CRKL: variants seen among roughly 807,000 people sequenced by gnomAD.
CRKL encodes the protein crk-like protein.
Under a neutral mutation model 23.0 loss-of-function variants are expected in CRKL, and 3 were observed. That is an observed-to-expected ratio of 0.13 (90% confidence interval 0.06 to 0.34). The LOEUF (loss-of-function observed/expected upper bound fraction) is 0.34. Ranked by LOEUF, CRKL falls within the 10% of genes least tolerant of loss-of-function variation. The pLI is 1.00. For synonymous variants in CRKL, 188 were observed against 160.7 expected (o/e 1.17, Z -1.28); for missense variants, 256 against 394.5 (o/e 0.65, Z 2.97).
intron 2 of CRKL, among the ~76,000 whole-genome samples, chr22:20,941,584 A>ATT (rs1921881721): frequency 6.5e-5 from 1 of 15,404 alleles, no homozygotes. Context: ...GTGTGTATAT[A>ATT]TATATTTTTT....
rs541961453 is a variant in CRKL at position 20,924,612 on chromosome 22, T to G, written c.311+6367T>G. On this transcript the variant is annotated intron_variant, in intron 1 of 2. Transcript: ENST00000354336. ...GCTCACGCCTGTAATCCCAGCACTT[T>G]GGGAGGCCAAGGTGGGTGGATTGCC... 3.6e-3 allele frequency among the ~76,000 whole-genome samples: 548 copies of G among 152,244 alleles called. 3 individuals carry two copies. The highest frequency in any genetic ancestry group is 6.8e-3 in the Middle Eastern group (2 of 294).
chr22:20,952,598 C>T lies in CRKL; in HGVS notation c.*2753C>T, dbSNP rs894055289. On this transcript the variant is annotated 3_prime_UTR_variant, in exon 3 of 3. Transcript: ENST00000354336. ...CTTCGTGCCTGGGTTCCCCACTGGT[C>T]TGGGAAGACTGTTGTGCTCCATAGA... 3.7e-4 allele frequency: 85 copies of T among 232,670 alleles called. No homozygotes were observed. Among genetic ancestry groups the T allele is most frequent in the African/African-American group, 1.8e-3 (81 of 45,302 alleles). The allele number at this position is 232,670 out of a possible 1,614,324, so 14.4% of individuals were successfully genotyped here.
chr22:20,938,367 C>G (rs953009089), intron 2 of CRKL, among the ~76,000 whole-genome samples: 2 of 151,924 alleles, frequency 1.3e-5, no homozygotes, highest in African/African-American at 4.8e-5. Context: ...AAGAGTTGAT[C>G]CTGAGATTTG....
At chr22:20,940,002 C>T (rs1921811061) in intron 2 of CRKL, among the ~76,000 whole-genome samples, 1 of 151,944 alleles carries the variant, frequency 6.6e-6, no homozygotes, top group Admixed American at 6.6e-5. Context: ...GTTGGCCAGG[C>T]TGGTCTCAAA....
At chr22:20,944,027 C>T (rs2106538) in intron 2 of CRKL, among the ~76,000 whole-genome samples, 115,339 of 151,748 alleles carry the variant, frequency 0.76, 44,323 homozygotes, top group South Asian at 0.91. Context: ...TCAGGTTCCT[C>T]GCAATTCTAT....
intron 1 of CRKL, among the ~76,000 whole-genome samples, chr22:20,925,186 CAAAA>C (rs11451684): frequency 4.0e-5 from 4 of 100,954 alleles, no homozygotes; most frequent in Non-Finnish European, 7.5e-5. Context: ...GACTCCGTCT[CAAAA>C]AAAAAAAAAA....
At chr22:20,944,094 G>C (rs1921969512) in intron 2 of CRKL, among the ~76,000 whole-genome samples, 1 of 146,302 alleles carries the variant, frequency 6.8e-6, no homozygotes, top group Non-Finnish European at 1.5e-5. Flanking sequence ...TTAGAATTTT[G>C]ATAGGGATTG....
chr22:20,952,086 A>T lies in CRKL; in HGVS notation c.*2241A>T, dbSNP rs1922300353. On this transcript the variant is annotated 3_prime_UTR_variant, in exon 3 of 3. Transcript: ENST00000354336. ...CCAGTGACGTGGTTCATCCCGGCCC[A>T]TGTTGAGCCATGAGTGGAGTTTCCA... The T allele has an allele frequency of 4.4e-6, 1 of 227,378 alleles. No homozygotes were observed. The highest frequency in any genetic ancestry group is 1.8e-4 in the South Asian group (1 of 5,488). The allele number at this position is 227,378 out of a possible 1,614,324, so 14.1% of individuals were successfully genotyped here.
At chr22:20,949,506 G>A (rs537672008) in intron 2 of CRKL, among the ~76,000 whole-genome samples, 1 of 152,348 alleles carries the variant, frequency 6.6e-6, no homozygotes, top group Non-Finnish European at 1.5e-5. Flanking sequence ...AGAGGTGGAG[G>A]TGGAAGGATC....
intron 1 of CRKL, among the ~76,000 whole-genome samples, chr22:20,921,935 C>G (rs142325475): frequency 1.3e-5 from 2 of 150,426 alleles, no homozygotes; most frequent in African/African-American, 4.9e-5. Flanking sequence ...GTCTCGATCT[C>G]CTAACCTAGT....
intron 1 of CRKL, among the ~76,000 whole-genome samples, chr22:20,931,514 C>T (rs1821940470): frequency 6.6e-6 from 1 of 152,234 alleles, no homozygotes; most frequent in Admixed American, 6.5e-5. Flanking sequence ...GAATGCCTCA[C>T]ATGCATTATG....
In CRKL at chr22:20,950,502, C is replaced by T. The variant is rs1177171370; in HGVS notation, c.*657C>T. 1 of 229,002 alleles carries T rather than the reference C, an allele frequency of 4.4e-6. No homozygotes were observed. The highest frequency in any genetic ancestry group is 8.7e-6 in the Non-Finnish European group (1 of 115,576). 14.2% of individuals were successfully genotyped at this position (229,002 alleles called of 1,614,324 possible). A position where few individuals can be genotyped will look rare whatever the true frequency, so the allele number is the denominator to read the frequency against. ...AATCTCGCCTTCCTGCAGTCTCCGC[C>T]TCCTGAGTTCAAGCGATTCTCCTGC... On this transcript the variant is annotated 3_prime_UTR_variant, in exon 3 of 3. Coordinates refer to ENST00000354336, the MANE Select transcript of CRKL (RefSeq NM_005207.4).
At chr22:20,945,408 G>C (rs553630146) in intron 2 of CRKL, among the ~76,000 whole-genome samples, 17 of 152,034 alleles carry the variant, frequency 1.1e-4, no homozygotes, top group African/African-American at 3.9e-4. Context: ...ATATATGATC[G>C]TGTCTTGACT....
At position 20,951,939 on chromosome 22, in the gene CRKL, C is replaced by T. The variant is rs116709245; in HGVS notation, c.*2094C>T. ...GCTCTGCACGGTCTGCGGCAGTTGC[C>T]GCTTCTGGTTAGGTGTGTCAGGTTG... is the stretch of plus-strand genomic sequence containing the variant. On this transcript the variant is annotated 3_prime_UTR_variant, in exon 3 of 3. Coordinates refer to ENST00000354336, the MANE Select transcript of CRKL (RefSeq NM_005207.4). The T allele has an allele frequency of 1.9e-3, 421 of 222,922 alleles. 2 individuals are homozygous for T. Among genetic ancestry groups the T allele is most frequent in the African/African-American group, 8.7e-3 (388 of 44,822 alleles). The allele number at this position is 222,922 out of a possible 1,614,324, so 13.8% of individuals were successfully genotyped here.
At chr22:20,924,525 A>T (rs1463587244) in intron 1 of CRKL, among the ~76,000 whole-genome samples, 1 of 149,390 alleles carries the variant, frequency 6.7e-6, no homozygotes, top group Non-Finnish European at 1.5e-5. Context: ...TCTCCTGACC[A>T]GTAGTTAAAA....
chr22:20,943,538 C>G (rs1384982757), intron 2 of CRKL, among the ~76,000 whole-genome samples: 1 of 152,154 alleles, frequency 6.6e-6, no homozygotes, highest in Non-Finnish European at 1.5e-5. Context: ...CCATGCCTGA[C>G]CTTAGTTATT....
chr22:20,920,074 G>T (rs1920974765), intron 1 of CRKL, among the ~76,000 whole-genome samples: 1 of 152,170 alleles, frequency 6.6e-6, no homozygotes, highest in Non-Finnish European at 1.5e-5. Flanking sequence ...CCACTGTAGT[G>T]AGATTTGTAA....
At chr22:20,945,214 C>T (rs1392024279) in intron 2 of CRKL, among the ~76,000 whole-genome samples, 3 of 151,620 alleles carry the variant, frequency 2.0e-5, no homozygotes, top group Non-Finnish European at 2.9e-5. Context: ...AGGATGGTCT[C>T]GATCTCCTGA....
At chr22:20,942,877 C>G (rs934291210) in intron 2 of CRKL, among the ~76,000 whole-genome samples, 10 of 152,158 alleles carry the variant, frequency 6.6e-5, no homozygotes, top group Non-Finnish European at 1.3e-4. Flanking sequence ...CTCAGCCTCC[C>G]AAAGTGCTGG....
Sources: gnomAD v4.1 joint callset for allele counts (sites outside exome capture counted in the v4.1 genomes callset) on GRCh38, gnomAD v4.1.1 for gene constraint, MANE v1.5 for transcripts, NCBI Gene and HGNC (gene_info 2026-07-23, HGNC 2026-07-21) for gene names.